TPO: variants seen among roughly 807,000 people sequenced by gnomAD.
TPO encodes thyroid microsomal antigen.
A neutral mutation model predicts 96.9 loss-of-function variants in TPO; 78 were observed. The ratio of observed to expected loss-of-function variants is 0.81; its 90% CI spans 0.67 to 0.97. The LOEUF is 0.97. TPO is among the 50% of genes least tolerant of loss of function. The pLI is 0.00. For missense variants in TPO, 1,252 were observed against 1,274.8 expected, an observed-to-expected ratio of 0.98 and a Z score of 0.27; for synonymous variants, 547 against 538.0, an observed-to-expected ratio of 1.02 and a Z score of -0.23.
chr2:1,529,716 A>AAATCCCCCCACTGTGTGCAACCTCCTCT (rs1677587439), intron 15 of TPO, among the ~76,000 whole-genome samples: 1 of 25,710 alleles, frequency 3.9e-5, no homozygotes, highest in East Asian at 1.4e-3. Flanking sequence ...CAACCTCCTC[A>AAATCCCCCCACTGTGTGCAACCTCCTCT]AATCCCCCCA....
At chr2:1,401,447 A>C (rs549601431) in intron 1 of TPO, among the ~76,000 whole-genome samples, 1 of 152,252 alleles carries the variant, frequency 6.6e-6, no homozygotes, top group Non-Finnish European at 1.5e-5. Flanking sequence ...TTCTGTTTAC[A>C]ATGGGCTTTG....
chr2:1,381,907 T>C (rs906505428), intron 1 of TPO, among the ~76,000 whole-genome samples: 1 of 152,114 alleles, frequency 6.6e-6, no homozygotes, highest in African/African-American at 2.4e-5. Flanking sequence ...CTCTACCTCA[T>C]GAAATTGTTG....
At chr2:1,440,403 T>G (rs943140950) in intron 5 of TPO, among the ~76,000 whole-genome samples, 1 of 152,232 alleles carries the variant, frequency 6.6e-6, no homozygotes, top group African/African-American at 2.4e-5. Context: ...TTTGTTGGTA[T>G]TTTCCTAATT....
chr2:1,496,307 C>A, intron 12 of TPO, 110 bp downstream of exon 12: 2 of 1,179,334 alleles, frequency 1.7e-6, no homozygotes, highest in Non-Finnish European at 2.4e-6. Flanking sequence ...AAAATAGTGT[C>A]AACGCCCTGC....
chr2:1,397,170 G>T (rs926188435), intron 1 of TPO, among the ~76,000 whole-genome samples: 1 of 152,152 alleles, frequency 6.6e-6, no homozygotes, highest in African/African-American at 2.4e-5. Flanking sequence ...GATAATTAGA[G>T]TTCACATACA....
chr2:1,487,724 A>G (rs551486764), intron 9 of TPO, 97 bp from the exon 10 acceptor site: 1 of 1,484,596 alleles, frequency 6.7e-7, no homozygotes, highest in Admixed American at 1.9e-5. Context: ...AACAGAAAGA[A>G]TGAGACTCCG....
In TPO at chr2:1,424,949, C is replaced by A. The variant is rs1664176240; in HGVS notation, c.179+1820C>A. 3.9e-5 allele frequency among the ~76,000 whole-genome samples: 2 copies of A among 51,312 alleles called. 1 individual carries two copies. The highest frequency in any genetic ancestry group is 1.3e-3 in the South Asian group (2 of 1,522). 33.7% of individuals were successfully genotyped at this position (51,312 alleles called of 152,430 possible). On this transcript the variant is annotated intron_variant, in intron 3 of 16. Transcript: ENST00000329066. ...TTGATCATTTCATATCCTCAGAAGT[C>A]CATGCTCCCTCTATAAAGTCATTGT... is the stretch of plus-strand genomic sequence containing the variant.
chr2:1,539,443 T>G (rs575008541), intron 15 of TPO, among the ~76,000 whole-genome samples: 2 of 152,278 alleles, frequency 1.3e-5, no homozygotes, highest in South Asian at 2.1e-4. Context: ...TTGCTCCTAA[T>G]GACACCGTCA....
chr2:1,527,401 C>A (rs1676841531), intron 15 of TPO, among the ~76,000 whole-genome samples: 1 of 142,880 alleles, frequency 7.0e-6, no homozygotes, highest in African/African-American at 2.7e-5. Context: ...ATCCCCCCCA[C>A]TGTGTGCAAC....
chr2:1,502,814 G>A (rs537484860), intron 13 of TPO, among the ~76,000 whole-genome samples: 14 of 152,234 alleles, frequency 9.2e-5, no homozygotes, highest in African/African-American at 2.9e-4. Flanking sequence ...TTGATTCCAC[G>A]CCCATTTTTC....
chr2:1,513,862 A>T (rs537553190), intron 14 of TPO, among the ~76,000 whole-genome samples: 1 of 152,314 alleles, frequency 6.6e-6, no homozygotes, highest in African/African-American at 2.4e-5. Context: ...TATAGATATA[A>T]ATTTACACAT....
At chr2:1,442,160 C>G (rs1044811222) in intron 5 of TPO, among the ~76,000 whole-genome samples, 2 of 152,206 alleles carry the variant, frequency 1.3e-5, no homozygotes, top group African/African-American at 4.8e-5. Context: ...TCCATTAAAC[C>G]TCCTTTTCTT....
chr2:1,400,770 T>G (rs939261782), intron 1 of TPO, among the ~76,000 whole-genome samples: 3 of 152,146 alleles, frequency 2.0e-5, no homozygotes, highest in Non-Finnish European at 4.4e-5. Context: ...CAGCAAGAAT[T>G]GAAAATTAAC....
At chr2:1,536,907 CTGTTTGCAACCTCCCAAA>C in intron 15 of TPO, among the ~76,000 whole-genome samples, 1 of 131,692 alleles carries the variant, frequency 7.6e-6, no homozygotes, top group African/African-American at 3.1e-5. Flanking sequence ...CAAATCCCAA[CTGTTTGCAACCTCCCAAA>C]TCCCCCCCAA....
intron 1 of TPO, 87 bp from the exon 2 acceptor site, chr2:1,414,321 C>A: frequency 7.8e-7 from 1 of 1,284,748 alleles, no homozygotes; most frequent in East Asian, 2.5e-5. Flanking sequence ...GTGGAGGGAG[C>A]CCCTCAGCAG....
chr2:1,519,052 G>A (rs1031433465), intron 15 of TPO, among the ~76,000 whole-genome samples: 1 of 152,182 alleles, frequency 6.6e-6, no homozygotes, highest in Non-Finnish European at 1.5e-5. Flanking sequence ...AGAGATCAGG[G>A]TGGGGTTTCT....
intron 8 of TPO, among the ~76,000 whole-genome samples, chr2:1,479,466 C>G (rs545130339): frequency 1.3e-5 from 2 of 152,210 alleles, no homozygotes; most frequent in Non-Finnish European, 2.9e-5. Flanking sequence ...TTGGTTTGAA[C>G]CTTCTTTGAG....
At chr2:1,379,437 C>T (rs1020197172) in intron 1 of TPO, among the ~76,000 whole-genome samples, 8 of 152,096 alleles carry the variant, frequency 5.3e-5, no homozygotes, top group East Asian at 1.9e-4. Context: ...CCTAAACAGG[C>T]GGTAGATCAA....
intron 15 of TPO, among the ~76,000 whole-genome samples, chr2:1,530,482 A>T (rs1677839755): frequency 6.8e-6 from 1 of 146,084 alleles, no homozygotes; most frequent in African/African-American, 2.6e-5. Flanking sequence ...AACATCCTCA[A>T]ATCCCCCTCA....
Sources: allele counts gnomAD v4.1 joint callset (sites outside exome capture counted in the v4.1 genomes callset), GRCh38; gene constraint gnomAD v4.1.1; transcripts MANE v1.5; gene names NCBI Gene and HGNC (gene_info 2026-07-23, HGNC 2026-07-21).